RAB37: variants seen among roughly 807,000 people sequenced by gnomAD.
RAB37 encodes ras-related protein Rab-37.
A neutral mutation model predicts 33.1 loss-of-function variants in RAB37; 29 were observed. That is an observed-to-expected ratio of 0.88 (90% confidence interval 0.65 to 1.20). The LOEUF (loss-of-function observed/expected upper bound fraction) is 1.20. Among genes scored for constraint, RAB37 ranks in the 50% most tolerant of loss-of-function variants. RAB37 has a pLI of 0.00. For missense variants in RAB37, 299 were observed against 301.1 expected (o/e 0.99, Z 0.05); for synonymous variants, 128 against 119.5 (o/e 1.07, Z -0.47).
intron 1 of RAB37, among the ~76,000 whole-genome samples, chr17:74,707,179 C>T (rs1029206368): frequency 2.0e-5 from 3 of 152,100 alleles, no homozygotes; most frequent in African/African-American, 7.2e-5. Flanking sequence ...AAGGAAACAA[C>T]CAAGAGAATG....
intron 1 of RAB37, among the ~76,000 whole-genome samples, chr17:74,684,698 G>A (rs1259014650): frequency 4.6e-5 from 7 of 152,094 alleles, no homozygotes; most frequent in African/African-American, 1.7e-4. Context: ...GCTGAGGCAG[G>A]AGAATCACTT....
intron 1 of RAB37, among the ~76,000 whole-genome samples, chr17:74,727,044 C>T (rs190722200): frequency 6.6e-5 from 10 of 151,740 alleles, no homozygotes; most frequent in Admixed American, 2.6e-4. Flanking sequence ...ATCTGAACTT[C>T]CAAGCTAATT....
chr17:74,673,848 G>A (rs932815545), intron 1 of RAB37, among the ~76,000 whole-genome samples: 1 of 152,272 alleles, frequency 6.6e-6, no homozygotes, highest in East Asian at 1.9e-4. Context: ...TGTATGTAAG[G>A]AAAGTTTTCC....
rs548735649 is a variant in RAB37 at position 74,738,558 on chromosome 17, T to C, written c.93+1193T>C. 2.4e-4 allele frequency among the ~76,000 whole-genome samples: 36 copies of C among 152,254 alleles called. No homozygotes were observed. Among genetic ancestry groups the C allele is most frequent in the African/African-American group, 8.7e-4 (36 of 41,530 alleles). On this transcript the variant is annotated intron_variant, in intron 1 of 8. Coordinates refer to ENST00000392613, the MANE Select transcript of RAB37 (RefSeq NM_001006638.3). This position sits in a 1 kb window ranked among gnomAD's most constrained non-coding sequence, Gnocchi z 5.0. ...TGGTGGAATCACCGAGCTGGGTGGG[T>C]AGCTGGCATCGTTTGCTCAAGGCAG...
At chr17:74,706,886 G>A (rs1437852776) in intron 1 of RAB37, among the ~76,000 whole-genome samples, 2 of 152,174 alleles carry the variant, frequency 1.3e-5, no homozygotes, top group South Asian at 2.1e-4. Flanking sequence ...ACACAATGGG[G>A]AAAGGACAGT....
chr17:74,680,628 T>G (rs1057053978), intron 1 of RAB37, among the ~76,000 whole-genome samples: 1 of 152,116 alleles, frequency 6.6e-6, no homozygotes, highest in Non-Finnish European at 1.5e-5. Context: ...CCCTACCCCT[T>G]GCCCCACCTC....
At position 74,703,134 on chromosome 17, in the gene RAB37, G is replaced by A. The variant is rs760194257; in HGVS notation, c.73-26122G>A. The A allele has an allele frequency of 2.7e-5, 44 of 1,613,298 alleles. No individual in the cohort carries two copies. The East Asian group carries it at 9.8e-4, about 36-fold the overall frequency. ...AGTGGAGGTAGGCGTGGTGGGGGCAGGAGTCGACGCTGTAGTTGATGCTTG... is the reference window on the plus strand; with the variant it reads ...AGTGGAGGTAGGCGTGGTGGGGGCAAGAGTCGACGCTGTAGTTGATGCTTG... On this transcript the variant is annotated intron_variant, in intron 1 of 7. Transcript: ENST00000340415.
rs1555590480 is a variant in RAB37, at chr17:74,714,431, A to ACG, written c.73-14824_73-14823insGC. Reference sequence around the variant, plus strand: ...CACACACACACACACACACACACACACACGCACGCACAGAGAGGTTCAGAG... The same window carrying ACG: ...CACACACACACACACACACACACACACGCACGCACGCACAGAGAGGTTCAGAG... On this transcript the variant is annotated intron_variant, in intron 1 of 7. Transcript: ENST00000340415. Among the ~76,000 whole-genome samples the ACG allele has an allele frequency of 3.6e-3, 541 of 150,848 alleles. 5 individuals carry two copies. Among genetic ancestry groups the ACG allele is most frequent in the African/African-American group, 0.011 (469 of 40,820 alleles).
chr17:74,696,964 G>A (rs921608491), intron 1 of RAB37, among the ~76,000 whole-genome samples: 11 of 151,868 alleles, frequency 7.2e-5, no homozygotes, highest in African/African-American at 1.5e-4. Context: ...GTTTTGAGAT[G>A]GAGTTTCTCT....
At position 74,730,496 on chromosome 17, in the gene RAB37, C is replaced by A. The variant is rs994117795; in HGVS notation, c.183+1130C>A. On this transcript the variant is annotated intron_variant, in intron 2 of 7. Transcript: ENST00000340415. This position sits in a 1 kb window ranked among gnomAD's most constrained non-coding sequence, Gnocchi z 4.4. ...TCGGGTGTGTTCTGGGGCCTAGAAT[C>A]GGCCCTGAAACACCAGTTCCCAGGG... Among the ~76,000 whole-genome samples the A allele has an allele frequency of 3.3e-5, 5 of 152,160 alleles. No homozygotes were observed. The highest frequency in any genetic ancestry group is 4.8e-5 in the African/African-American group (2 of 41,436).
At chr17:74,707,389 C>A (rs1412314654) in intron 1 of RAB37, among the ~76,000 whole-genome samples, 3 of 152,210 alleles carry the variant, frequency 2.0e-5, no homozygotes, top group Non-Finnish European at 4.4e-5. Context: ...TTTAAATGCT[C>A]AACATCTCTG....
chr17:74,745,043 G>A lies in RAB37; in HGVS notation c.525G>A (p.Lys175=). The A allele has an allele frequency of 6.2e-7, 1 of 1,614,260 alleles. No individual in the cohort carries two copies. Among genetic ancestry groups the A allele is most frequent in the African/African-American group, 1.3e-5 (1 of 75,090 alleles). ...YGVPFLETSA[K]TGMNVELAFL... is the part of the protein sequence containing the mutation. Reference sequence around the variant, plus strand: ...TTCCCTTCCTGGAGACCAGCGCCAAGACTGGCATGAATGTGGAGTTAGCCT... The same window carrying A: ...TTCCCTTCCTGGAGACCAGCGCCAAAACTGGCATGAATGTGGAGTTAGCCT... The change falls in exon 8 of 9, where the codon AAG becomes AAA. Residue 175 remains lysine, a synonymous_variant. Coordinates refer to ENST00000392613, the MANE Select transcript of RAB37 (RefSeq NM_001006638.3). This position sits in a 1 kb window ranked among gnomAD's most constrained non-coding sequence, Gnocchi z 4.5.
At chr17:74,743,026 A>C in intron 3 of RAB37, 103 bp from the exon 4 acceptor site, 1 of 1,005,486 alleles carries the variant, frequency 9.9e-7, no homozygotes, top group South Asian at 1.5e-5. Flanking sequence ...AAACAGCCCC[A>C]CCTTCCCACA....
upstream of RAB37, chr17:74,737,076 A>T: frequency 6.2e-7 from 1 of 1,607,622 alleles, no homozygotes; most frequent in Non-Finnish European, 8.5e-7. Context: ...CCGCCCCTTC[A>T]CGCAGACCCT....
intron 1 of RAB37, among the ~76,000 whole-genome samples, chr17:74,711,551 A>G (rs1043917714): frequency 3.3e-5 from 5 of 152,098 alleles, no homozygotes; most frequent in African/African-American, 7.3e-5. Flanking sequence ...CTTTTCTCCA[A>G]TCTGTCCCAC....
rs2143460063 is a variant in RAB37, at chr17:74,676,398, G to A, written c.72+4740G>A. On this transcript the variant is annotated intron_variant, in intron 1 of 7. Transcript: ENST00000340415. This position sits in a 1 kb window ranked among gnomAD's most constrained non-coding sequence, Gnocchi z 4.1. Reference sequence around the variant, plus strand: ...TTCATCCAGGGCTTGGTTCTTCTTGGGTGAAAAGGGATTACCAGGTCTCTG... The same window carrying A: ...TTCATCCAGGGCTTGGTTCTTCTTGAGTGAAAAGGGATTACCAGGTCTCTG... Among the ~76,000 whole-genome samples the A allele has an allele frequency of 6.6e-6, 1 of 152,192 alleles. No individual in the cohort carries two copies. Among genetic ancestry groups the A allele is most frequent in the South Asian group, 2.1e-4 (1 of 4,818 alleles).
chr17:74,695,884 G>C (rs1202630503), intron 1 of RAB37: 2 of 1,607,290 alleles, frequency 1.2e-6, no homozygotes, highest in African/African-American at 2.7e-5. Flanking sequence ...ACAGGCTGGG[G>C]AGTCACAAGA....
At chr17:74,694,604 T>G (rs998493728) in intron 1 of RAB37, 3 of 152,366 alleles carry the variant, frequency 2.0e-5, no homozygotes, top group Admixed American at 6.5e-5. Context: ...CCCACCTGAA[T>G]CAGCAAGAAT....
chr17:74,694,401 G>A (rs929605660), intron 1 of RAB37: 11 of 152,216 alleles, frequency 7.2e-5, no homozygotes, highest in East Asian at 1.9e-4. Context: ...AAGTCAAGGC[G>A]TGGGCAGGGC....
Sources: gnomAD v4.1 joint callset for allele counts (sites outside exome capture counted in the v4.1 genomes callset) on GRCh38, gnomAD v4.1.1 for gene constraint, Gnocchi (gnomAD v3.1) non-coding constraint, MANE v1.5 for transcripts, NCBI Gene and HGNC (gene_info 2026-07-23, HGNC 2026-07-21) for gene names.